Variants in CHRNE observed in about 807,000 individuals in gnomAD.
CHRNE encodes the protein cholinergic receptor nicotinic epsilon subunit.
Under a neutral mutation model 56.5 loss-of-function variants are expected in CHRNE, and 58 were observed. That is an observed-to-expected ratio of 1.03 (90% CI 0.83 to 1.28). CHRNE has a LOEUF of 1.28. CHRNE is among the 50% of genes most tolerant of loss of function. The pLI is 0.00. For missense variants in CHRNE, 793 were observed against 688.9 expected, an observed-to-expected ratio of 1.15 and a Z score of -1.69; for synonymous variants, 385 against 297.9, an observed-to-expected ratio of 1.29 and a Z score of -3.01.
rs757004425 is a variant in CHRNE at position 4,898,750 on chromosome 17, A to G, written c.1468T>C (p.Cys490Arg). Residue 490 changes from cysteine to arginine, a missense_variant, in exon 12 of 12, where the codon TGT (cysteine) becomes CGT (arginine). Transcript: ENST00000649488. ...NRVPDLPYAP[C>R]IQP The stretch of plus-strand genomic sequence containing the variant: ...GTCGGTGCGAGCTAAGGCTGGATAC[A>G]CGGCGCGTAGGGGAGATCAGGCACT... 5.0e-6 allele frequency: 8 copies of G among 1,611,112 alleles called. No individual in the cohort carries two copies. In the East Asian group the frequency reaches 6.7e-5, roughly 13 times the overall value.
At position 4,899,336 on chromosome 17, in the gene CHRNE, C is replaced by A. The variant is rs781453095; in HGVS notation, c.1081G>T (p.Glu361Ter). 4 of 1,546,548 alleles carry A rather than the reference C, an allele frequency of 2.6e-6. No individual in the cohort carries two copies. Among genetic ancestry groups the A allele is most frequent in the Non-Finnish European group, 3.5e-6 (4 of 1,152,650 alleles). Residue 361 changes from glutamate to a stop codon, truncating the protein, a stop_gained, in exon 10 of 12, where the codon GAG becomes TAG. Transcript: ENST00000649488. LOFTEE classifies it high-confidence loss of function. The part of the protein sequence containing the change: ...PRLLGSPPPP[E>*]APRAASPPRR... ...GGGGGCGAGGCGGCCCGGGGGGCCT[C>A]GGGCGGCGGCGGGGAGCCCAGGAGG...
In CHRNE at chr17:4,898,687, AAAATCAATTTCCTACT is replaced by A. The variant is rs769274093; in HGVS notation, c.*33_*48del. The A allele has an allele frequency of 1.9e-4, 306 of 1,584,636 alleles. 1 individual carries two copies. The highest frequency in any genetic ancestry group is 2.8e-4 in the Admixed American group (15 of 54,200). ...CGTGGTGGCGGCAGCCTACTTTTTCAAAATCAATTTCCTACTGGAGATGGGTGGGAAATTGAAGTCG... is the reference window on the plus strand; with the variant it reads ...CGTGGTGGCGGCAGCCTACTTTTTCAGGAGATGGGTGGGAAATTGAAGTCG... On this transcript the variant is annotated 3_prime_UTR_variant, in exon 12 of 12. Coordinates refer to ENST00000649488, the MANE Select transcript of CHRNE (RefSeq NM_000080.4).
In CHRNE at chr17:4,899,318, AGGCGGCCCGGGGGGCCTCG is replaced by A; in HGVS notation, c.1080_1098del (p.Glu361ArgfsTer18). On this transcript the variant is annotated frameshift_variant, in exon 10 of 12. Transcript: ENST00000649488. LOFTEE classifies it high-confidence loss of function. ...ACCGACGACGCCCGCCTTGGGGGCG[AGGCGGCCCGGGGGGCCTCG>A]GGCGGCGGCGGGGAGCCCAGGAGGC... 2 of 1,569,274 alleles carry A rather than the reference AGGCGGCCCGGGGGGCCTCG, an allele frequency of 1.3e-6. No homozygotes were observed. The highest frequency in any genetic ancestry group is 1.7e-6 in the Non-Finnish European group (2 of 1,164,752).
In CHRNE at chr17:4,898,679, A is replaced by C; in HGVS notation, c.*57T>G. 1.3e-6 allele frequency: 2 copies of C among 1,574,312 alleles called. No individual in the cohort carries two copies. The highest frequency in any genetic ancestry group is 2.3e-5 in the South Asian group (2 of 86,142). On this transcript the variant is annotated 3_prime_UTR_variant, in exon 12 of 12. Coordinates refer to ENST00000649488, the MANE Select transcript of CHRNE (RefSeq NM_000080.4). Reference sequence around the variant, plus strand: ...CATAATGCCGTGGTGGCGGCAGCCTACTTTTTCAAAATCAATTTCCTACTG... The same window carrying C: ...CATAATGCCGTGGTGGCGGCAGCCTCCTTTTTCAAAATCAATTTCCTACTG...
At chr17:4,905,620 G>A (rs980823082), upstream of CHRNE, among the ~76,000 whole-genome samples, 1 of 151,772 alleles carries the variant, frequency 6.6e-6, no homozygotes, top group African/African-American at 2.4e-5. Context: ...CAGCACTTTG[G>A]GAGGCCAAGG....
chr17:4,906,863 T>C (rs1354980638), upstream of CHRNE, among the ~76,000 whole-genome samples: 1 of 152,018 alleles, frequency 6.6e-6, no homozygotes, highest in African/African-American at 2.4e-5. Flanking sequence ...CATTCACCCA[T>C]AAAAAAGGAT....
At chr17:4,899,161 C>T (rs749842323) in intron 10 of CHRNE, 37 bp downstream of exon 10, 1 of 1,592,308 alleles carries the variant, frequency 6.3e-7, no homozygotes, top group Non-Finnish European at 8.5e-7. Flanking sequence ...TGGCAGGCAC[C>T]CCGCGCGGCC....
rs373958533 is a variant in CHRNE at position 4,900,564 on chromosome 17, T to A, written c.917+229A>T. The stretch of plus-strand genomic sequence containing the variant: ...AGAGGCGGCGGGGCTAGGGAGGCAC[T>A]GAGCCGGACTGTCCCCCAAGAGAGC... On this transcript the variant is annotated intron_variant, in intron 8 of 11. Coordinates refer to ENST00000649488, the MANE Select transcript of CHRNE (RefSeq NM_000080.4). 1.3e-4 allele frequency: 203 copies of A among 1,549,868 alleles called. 5 individuals are homozygous for A. In the South Asian group the frequency reaches 2.4e-3, roughly 18 times the overall value.
intron 5 of CHRNE, 61 bp from the exon 6 acceptor site, chr17:4,901,686 C>G: frequency 6.6e-7 from 1 of 1,525,492 alleles, no homozygotes; most frequent in Middle Eastern, 1.9e-4. Flanking sequence ...GGCCTCAGGC[C>G]CAGCCCTGGA....
chr17:4,900,079 C>T, intron 8 of CHRNE: 1 of 1,551,050 alleles, frequency 6.4e-7, no homozygotes, highest in Non-Finnish European at 8.7e-7. Context: ...CCCCGAAGCC[C>T]ACCCTGGGGC....
At position 4,901,087 on chromosome 17, in the gene CHRNE, G is replaced by A. The variant is rs748765369; in HGVS notation, c.705C>T (p.Ile235=). ...CGTAGAAGAGCGGCTTCCGGCGGAT[G>A]ATGAGCGAGTAGATGACGTCAGTCT... is the stretch of plus-strand genomic sequence containing the variant. ...PGETDVIYSL[I]IRRKPLFYVI... Residue 235 remains isoleucine, a synonymous_variant, in exon 7 of 12, where the codon ATC becomes ATT. Coordinates refer to ENST00000649488, the MANE Select transcript of CHRNE (RefSeq NM_000080.4). The A allele has an allele frequency of 1.9e-6, 3 of 1,613,848 alleles. No individual in the cohort carries two copies. Among genetic ancestry groups the A allele is most frequent in the Non-Finnish European group, 1.7e-6 (2 of 1,179,982 alleles).
chr17:4,898,963 C>T (rs2151093777), intron 11 of CHRNE, 38 bp downstream of exon 11: 1 of 1,272,944 alleles, frequency 7.9e-7, no homozygotes, highest in South Asian at 2.6e-5. Flanking sequence ...AGTGGTGGGC[C>T]TCTGCCTCGC....
chr17:4,899,771 G>A (rs539314116), intron 8 of CHRNE, 189 bp from the exon 9 acceptor site: 1 of 1,551,094 alleles, frequency 6.4e-7, no homozygotes, highest in Non-Finnish European at 8.7e-7. Flanking sequence ...CCATGAAGGG[G>A]ACCCCCAGCT....
chr17:4,901,604 T>A lies in CHRNE; in HGVS notation c.522A>T (p.Glu174Asp), dbSNP rs1372646551. ...CTACGGCAAAAGTGAACTCCACCTCTTCGGCATTGTACGTCTGAGAGCTGC... is the reference window on the plus strand; with the variant it reads ...CTACGGCAAAAGTGAACTCCACCTCATCGGCATTGTACGTCTGAGAGCTGC... Reference protein sequence around the residue: ...LIFRSQTYNAEEVEFTFAVDN... With the variant: ...LIFRSQTYNADEVEFTFAVDN... The change falls in exon 6 of 12, where the codon GAA becomes GAT. Residue 174 changes from glutamate to aspartate, a missense_variant. By Grantham distance (45) the Glu-to-Asp change is conservative. Transcript: ENST00000649488. 6.2e-7 allele frequency: 1 copy of A among 1,614,164 alleles called. No individual in the cohort carries two copies. Among genetic ancestry groups the A allele is most frequent in the Non-Finnish European group, 8.5e-7 (1 of 1,180,016 alleles).
Position 4,899,006 on chromosome 17 carries a change from CG to C in CHRNE, c.1320del (p.Gly441AlafsTer66). 1 of 1,598,114 alleles carries C rather than the reference CG, an allele frequency of 6.3e-7. No individual in the cohort carries two copies. ...GCCTCTGGCTCCTGTCCCACCTCGC[CG>C]GTGGCCTCCTGATCTCTCGTGCTCT... ...VAESTRDQEA[T>X]GEEVSDWVRM... is the part of the protein sequence containing the mutation. On this transcript the variant is annotated frameshift_variant, in exon 11 of 12. Coordinates refer to ENST00000649488, the MANE Select transcript of CHRNE (RefSeq NM_000080.4). LOFTEE classifies it high-confidence loss of function.
chr17:4,901,154 AC>A lies in CHRNE; in HGVS notation c.637del (p.Val213Ter). On this transcript the variant is annotated frameshift_variant, in exon 7 of 12. Coordinates refer to ENST00000649488, the MANE Select transcript of CHRNE (RefSeq NM_000080.4). LOFTEE classifies it high-confidence loss of function. ...GGCGCCACCGTGGTGGCGGCGGATC[AC>A]CCCCGGGCAGAAGTCGATGGCCCAC... is the stretch of plus-strand genomic sequence containing the variant. ...GEWAIDFCPG[V>X]IRRHHGGATD... 6.2e-7 allele frequency: 1 copy of A among 1,608,590 alleles called. No homozygotes were observed.
In CHRNE at chr17:4,901,020, C is replaced by T; in HGVS notation, c.772G>A (p.Val258Met). Residue 258 changes from valine (V) to methionine (M), a missense_variant, in exon 7 of 12, where the codon GTG becomes ATG. Transcript: ENST00000649488. Reference sequence around the variant, plus strand: ...GCCGGCAGGAAGTAGGCGAGCAGCACCAGGCCCGAGATGAGCACACAGGGC... The same window carrying T: ...GCCGGCAGGAAGTAGGCGAGCAGCATCAGGCCCGAGATGAGCACACAGGGC... ...IVPCVLISGL[V>M]LLAYFLPAQA... The T allele has an allele frequency of 6.2e-7, 1 of 1,614,020 alleles. No homozygotes were observed. Among genetic ancestry groups the T allele is most frequent in the Non-Finnish European group, 8.5e-7 (1 of 1,179,922 alleles).
Position 4,898,442 on chromosome 17 carries a change from C to T in CHRNE, c.*294G>A. Reference sequence around the variant, plus strand: ...CACAAGCTGGCAGCCACCAGAGTCCCGTGGGGCTGAGCCTTAGAAAGGCTG... The same window carrying T: ...CACAAGCTGGCAGCCACCAGAGTCCTGTGGGGCTGAGCCTTAGAAAGGCTG... On this transcript the variant is annotated 3_prime_UTR_variant, in exon 12 of 12. Coordinates refer to ENST00000649488, the MANE Select transcript of CHRNE (RefSeq NM_000080.4). The T allele has an allele frequency of 8.1e-6, 4 of 495,740 alleles. No homozygotes were observed. Among genetic ancestry groups the T allele is most frequent in the East Asian group, 3.7e-5 (1 of 26,720 alleles). 30.7% of individuals were successfully genotyped at this position (495,740 alleles called of 1,614,324 possible).
chr17:4,899,075 G>A lies in CHRNE; in HGVS notation c.1252C>T (p.Pro418Ser). 1.2e-6 allele frequency: 2 copies of A among 1,610,692 alleles called. No individual in the cohort carries two copies. The highest frequency in any genetic ancestry group is 3.3e-4 in the Middle Eastern group (2 of 6,058). ...AFCQSLGAAA[P>S]EVRCCVDAVN... ...GCATCCACACAGCAGCGGACCTCGGGGGCGGCGGCGCCCAGGCTCTGGCAG... is the reference window on the plus strand; with the variant it reads ...GCATCCACACAGCAGCGGACCTCGGAGGCGGCGGCGCCCAGGCTCTGGCAG... The change falls in exon 11 of 12, where the codon CCC (proline) becomes TCC (serine). Residue 418 changes from proline to serine, a missense_variant. Pro to Ser is a moderately conservative substitution (Grantham distance 74, BLOSUM62 -1). Coordinates refer to ENST00000649488, the MANE Select transcript of CHRNE (RefSeq NM_000080.4).
Sources: allele counts gnomAD v4.1 joint callset (sites outside exome capture counted in the v4.1 genomes callset), GRCh38; gene constraint gnomAD v4.1.1; transcripts MANE v1.5; gene names NCBI Gene and HGNC (gene_info 2026-07-23, HGNC 2026-07-21).